Variants in SRGAP3 observed in about 807,000 individuals in gnomAD.
SRGAP3 encodes the protein SLIT-ROBO Rho GTPase-activating protein 3.
SRGAP3 carries 39 observed loss-of-function variants against 121.1 expected under a neutral mutation model. That is an observed-to-expected ratio of 0.32 (90% CI 0.25 to 0.42). SRGAP3 has a LOEUF of 0.42. Among genes scored for constraint, SRGAP3 ranks in the 10% least tolerant of loss-of-function variants. The probability of loss-of-function intolerance (pLI) is 1.00; values close to 1 mark genes in which losing one functional copy is unlikely to be tolerated. For missense variants in SRGAP3, 1,213 were observed against 1,470.6 expected (o/e 0.82, Z 2.86); for synonymous variants, 601 against 570.0 (o/e 1.05, Z -0.77).
At chr3:9,268,788 G>C (rs2600159) in intron 3 of SRGAP3, among the ~76,000 whole-genome samples, 141,260 of 152,264 alleles carry the variant, frequency 0.93, 65,649 homozygotes, top group East Asian at 0.97. Context: ...AGCTCTGATT[G>C]TAAATCAGGT....
chr3:9,138,218 T>C lies in SRGAP3; in HGVS notation c.68-13301A>G, dbSNP rs187086401. Reference sequence around the variant, plus strand: ...AACTACCTGCTGTATATTTGTCTAATATATTTCTTTAAATCATCTTACTTT... The same window carrying C: ...AACTACCTGCTGTATATTTGTCTAACATATTTCTTTAAATCATCTTACTTT... On this transcript the variant is annotated intron_variant, in intron 1 of 21. Coordinates refer to ENST00000383836, the MANE Select transcript of SRGAP3 (RefSeq NM_014850.4). 2.0e-5 allele frequency among the ~76,000 whole-genome samples: 3 copies of C among 152,370 alleles called. No homozygotes were observed. The East Asian group carries it at 5.8e-4, about 29-fold the overall frequency.
chr3:8,984,706 G>A lies in SRGAP3; in HGVS notation c.*813C>T, dbSNP rs1051922568. 2 of 232,608 alleles carry A rather than the reference G, an allele frequency of 8.6e-6. No homozygotes were observed. The highest frequency in any genetic ancestry group is 1.7e-5 in the Non-Finnish European group (2 of 117,456). 14.4% of individuals were successfully genotyped at this position (232,608 alleles called of 1,614,324 possible). A position where few individuals can be genotyped will look rare whatever the true frequency, so the allele number is the denominator to read the frequency against. On this transcript the variant is annotated 3_prime_UTR_variant, in exon 22 of 22. Coordinates refer to ENST00000383836, the MANE Select transcript of SRGAP3 (RefSeq NM_014850.4). ...TACAGTTGGCCTTTGGCCTCCGGGT[G>A]GAAGGGCAGGGTCTCTGGGGTGGAC...
At chr3:9,178,141 G>A (rs564248808) in intron 1 of SRGAP3, among the ~76,000 whole-genome samples, 2 of 152,206 alleles carry the variant, frequency 1.3e-5, no homozygotes, top group African/African-American at 2.4e-5. Context: ...GGTGGCGCAT[G>A]CCTGTAGTCT....
chr3:8,987,845 G>C (rs1941810296), intron 21 of SRGAP3, among the ~76,000 whole-genome samples: 1 of 152,138 alleles, frequency 6.6e-6, no homozygotes, highest in African/African-American at 2.4e-5. Context: ...TGCCAGCCCT[G>C]CAGTGACACA....
At chr3:9,285,430 C>CA (rs373631840) in intron 3 of SRGAP3, among the ~76,000 whole-genome samples, 64 of 152,284 alleles carry the variant, frequency 4.2e-4, no homozygotes, top group African/African-American at 1.5e-3. Flanking sequence ...AAGAATTCTC[C>CA]AACCTACCTG....
intron 1 of SRGAP3, among the ~76,000 whole-genome samples, chr3:9,134,820 C>T (rs181050897): frequency 8.9e-4 from 135 of 152,308 alleles, no homozygotes; most frequent in African/African-American, 3.1e-3. Flanking sequence ...TCAGGCCCTC[C>T]TCTGAGGAGA....
At chr3:9,047,517 CG>C in intron 9 of SRGAP3, 42 bp from the exon 10 acceptor site, 1 of 1,584,780 alleles carries the variant, frequency 6.3e-7, no homozygotes, top group Non-Finnish European at 8.7e-7. Flanking sequence ...ATTGCAAGGC[CG>C]AGTAATGGGA....
At chr3:9,006,060 T>G (rs1345288391) in intron 18 of SRGAP3, among the ~76,000 whole-genome samples, 1 of 151,624 alleles carries the variant, frequency 6.6e-6, no homozygotes, top group Non-Finnish European at 1.5e-5. Context: ...ACACCAAGTA[T>G]AAGAAATTGG....
At chr3:9,231,969 T>C (rs1254116566) in intron 1 of SRGAP3, among the ~76,000 whole-genome samples, 1 of 152,194 alleles carries the variant, frequency 6.6e-6, no homozygotes, top group African/African-American at 2.4e-5. Flanking sequence ...CCCCAGACTC[T>C]GGCCACTGCA....
Position 9,064,474 on chromosome 3 carries a change from G to A in SRGAP3, c.594C>T (p.Leu198=). 1 of 1,614,240 alleles carries A rather than the reference G, an allele frequency of 6.2e-7. No homozygotes were observed. The highest frequency in any genetic ancestry group is 8.5e-7 in the Non-Finnish European group (1 of 1,180,040). ...EEKQFNKSGD[L]SMNLLRHEDR... Reference sequence around the variant, plus strand: ...CCTCGTGCCGGAGCAGGTTCATGCTGAGGTCTCCTGACTTATTGAACTGCT... The same window carrying A: ...CCTCGTGCCGGAGCAGGTTCATGCTAAGGTCTCCTGACTTATTGAACTGCT... Residue 198 remains leucine (L), a synonymous_variant, in exon 5 of 22, where the codon CTC becomes CTT. Coordinates refer to ENST00000383836, the MANE Select transcript of SRGAP3 (RefSeq NM_014850.4).
intron 3 of SRGAP3, among the ~76,000 whole-genome samples, chr3:9,286,381 C>T (rs531524026): frequency 2.0e-5 from 3 of 152,082 alleles, no homozygotes; most frequent in East Asian, 3.9e-4. Flanking sequence ...CCAAGGTTGG[C>T]TGGGCACGGT....
chr3:9,295,825 T>A (rs1442595489), intron 3 of SRGAP3, among the ~76,000 whole-genome samples: 1 of 152,204 alleles, frequency 6.6e-6, no homozygotes, highest in Non-Finnish European at 1.5e-5. Flanking sequence ...CAGCCTCTGG[T>A]AACCTCTATT....
chr3:9,329,722 T>C (rs1955574859), intron 2 of SRGAP3, among the ~76,000 whole-genome samples: 1 of 152,186 alleles, frequency 6.6e-6, no homozygotes. Context: ...TGGCCACTTG[T>C]TAGCAGCAAA....
chr3:9,060,135 T>C, intron 6 of SRGAP3, 96 bp downstream of exon 6: 23 of 1,590,226 alleles, frequency 1.4e-5, no homozygotes, highest in Non-Finnish European at 2.0e-5. Context: ...CCCGAGAATG[T>C]CAGGTAAAGA....
intron 1 of SRGAP3, chr3:9,219,113 G>A (rs1219149589): frequency 6.6e-6 from 1 of 152,214 alleles, no homozygotes; most frequent in Non-Finnish European, 1.5e-5. Context: ...GGGATCACAG[G>A]TGTGAACCAT....
intron 1 of SRGAP3, among the ~76,000 whole-genome samples, chr3:9,153,000 G>A (rs760953211): frequency 3.3e-5 from 5 of 152,256 alleles, no homozygotes; most frequent in African/African-American, 7.2e-5. Context: ...TTCCACAGTC[G>A]TTGATCCCAA....
intron 1 of SRGAP3, among the ~76,000 whole-genome samples, chr3:9,197,556 T>C (rs1200534592): frequency 6.6e-6 from 1 of 152,230 alleles, no homozygotes; most frequent in African/African-American, 2.4e-5. Flanking sequence ...TTGTAGTGTC[T>C]CATTTAAACC....
intron 1 of SRGAP3, among the ~76,000 whole-genome samples, chr3:9,176,118 C>T (rs979363073): frequency 1.3e-5 from 2 of 152,118 alleles, no homozygotes; most frequent in Non-Finnish European, 2.9e-5. Context: ...GATAGGGTTT[C>T]GTTATGTTGG....
intron 1 of SRGAP3, among the ~76,000 whole-genome samples, chr3:9,360,716 T>C (rs1030243037): frequency 1.3e-5 from 2 of 152,176 alleles, no homozygotes; most frequent in Non-Finnish European, 2.9e-5. Flanking sequence ...CATCAGATCT[T>C]GTGAGACTTA....
Sources: allele counts gnomAD v4.1 joint callset (sites outside exome capture counted in the v4.1 genomes callset), GRCh38; gene constraint gnomAD v4.1.1; transcripts MANE v1.5; gene names NCBI Gene and HGNC (gene_info 2026-07-23, HGNC 2026-07-21).